Variants in DPP6 observed in about 807,000 individuals in gnomAD.
DPP6 encodes the protein A-type potassium channel modulatory protein DPP6.
A neutral mutation model predicts 122.6 loss-of-function variants in DPP6; 69 were observed. That is an observed-to-expected ratio of 0.56 (90% CI 0.46 to 0.69). The LOEUF (loss-of-function observed/expected upper bound fraction) is 0.69. DPP6 is among the 30% of genes least tolerant of loss of function. DPP6 has a pLI of 0.00. For synonymous variants in DPP6, 418 were observed against 433.1 expected (o/e 0.97, Z 0.43); for missense variants, 928 against 1,116.9 (o/e 0.83, Z 2.41).
chr7:154,452,335 C>A (rs892347658), intron 2 of DPP6, among the ~76,000 whole-genome samples: 3 of 151,862 alleles, frequency 2.0e-5, no homozygotes, highest in Non-Finnish European at 4.4e-5. Context: ...AAATGCTGAC[C>A]TAGAGGGCTG....
At chr7:154,756,590 G>A (rs1239602321) in intron 8 of DPP6, among the ~76,000 whole-genome samples, 16 of 152,150 alleles carry the variant, frequency 1.1e-4, no homozygotes, top group Admixed American at 6.5e-5. Flanking sequence ...TTTCAGCCTC[G>A]AAAGTCTAGC....
At chr7:154,381,269 C>T (rs975066448) in intron 1 of DPP6, among the ~76,000 whole-genome samples, 3 of 152,182 alleles carry the variant, frequency 2.0e-5, no homozygotes, top group Non-Finnish European at 2.9e-5. Flanking sequence ...CCGTCTGACT[C>T]GCCTTAGGGG....
At chr7:154,015,472 A>G (rs1317969481) in intron 1 of DPP6, among the ~76,000 whole-genome samples, 1 of 152,094 alleles carries the variant, frequency 6.6e-6, no homozygotes, top group Non-Finnish European at 1.5e-5. Context: ...CAAAGTGCCC[A>G]TCTGACCACT....
intron 5 of DPP6, among the ~76,000 whole-genome samples, chr7:154,579,525 A>G (rs1831905315): frequency 6.6e-6 from 1 of 152,246 alleles, no homozygotes; most frequent in African/African-American, 2.4e-5. Flanking sequence ...AAATATTACA[A>G]TGATCAGTTT....
intron 1 of DPP6, among the ~76,000 whole-genome samples, chr7:154,120,188 A>G (rs376190210): frequency 1.3e-5 from 2 of 150,782 alleles, no homozygotes; most frequent in African/African-American, 4.9e-5. Context: ...ATCACTCACT[A>G]TACTTGACTG....
intron 5 of DPP6, among the ~76,000 whole-genome samples, chr7:154,635,610 T>C (rs1244038330): frequency 1.3e-5 from 2 of 152,230 alleles, no homozygotes; most frequent in African/African-American, 4.8e-5. Context: ...ACAGCCAACA[T>C]TTAATCTTGC....
chr7:153,958,108 G>A (rs1032021765), intron 1 of DPP6, among the ~76,000 whole-genome samples: 3 of 152,094 alleles, frequency 2.0e-5, no homozygotes, highest in African/African-American at 7.2e-5. Flanking sequence ...AGGTTGCAGT[G>A]AGCTGAGATC....
chr7:153,916,408 TCTCTC>T (rs1800323305), intron 1 of DPP6, among the ~76,000 whole-genome samples: 1 of 53,760 alleles, frequency 1.9e-5, no homozygotes, highest in African/African-American at 7.4e-5. Flanking sequence ...CCTCCCCTCC[TCTCTC>T]CTCCCCTCCC....
chr7:154,613,817 C>T (rs1018306729), intron 5 of DPP6, among the ~76,000 whole-genome samples: 2 of 151,998 alleles, frequency 1.3e-5, no homozygotes, highest in Non-Finnish European at 2.9e-5. Context: ...AAAATTGGGC[C>T]ACCCATTCCC....
chr7:154,376,534 C>T (rs934627215), intron 1 of DPP6, among the ~76,000 whole-genome samples: 10 of 152,170 alleles, frequency 6.6e-5, no homozygotes, highest in Non-Finnish European at 1.5e-4. Context: ...AGAAGCTCTG[C>T]TAAAATTGCA....
At chr7:154,556,454 G>A (rs1459158435) in intron 4 of DPP6, among the ~76,000 whole-genome samples, 1 of 152,152 alleles carries the variant, frequency 6.6e-6, no homozygotes, top group East Asian at 1.9e-4. Flanking sequence ...TAGGGATAGG[G>A]TGACACACTT....
chr7:154,691,508 A>G lies in DPP6; in HGVS notation c.762+22067A>G, dbSNP rs961489727. Among the ~76,000 whole-genome samples, 5 of 152,340 alleles carry G rather than the reference A, an allele frequency of 3.3e-5. No individual in the cohort carries two copies. In the East Asian group the frequency reaches 9.6e-4, roughly 29 times the overall value. ...ATAAATGAAACTTGTTTACATAAAG[A>G]GGGAATTGACTGAAAAGAAAATAAA... On this transcript the variant is annotated intron_variant, in intron 7 of 25. Transcript: ENST00000377770.
At chr7:154,779,040 C>CTAT (rs2150397508) in intron 10 of DPP6, among the ~76,000 whole-genome samples, 5 of 148,214 alleles carry the variant, frequency 3.4e-5, no homozygotes, top group East Asian at 2.0e-4. Context: ...ACCACCACCA[C>CTAT]CACAACTACC....
At chr7:154,362,703 G>A (rs1811832192) in intron 1 of DPP6, among the ~76,000 whole-genome samples, 1 of 151,840 alleles carries the variant, frequency 6.6e-6, no homozygotes, top group Non-Finnish European at 1.5e-5. Flanking sequence ...GAGATTATAG[G>A]TATGAGCCAC....
intron 1 of DPP6, among the ~76,000 whole-genome samples, chr7:154,042,794 A>AGC (rs1799829614): frequency 6.6e-6 from 1 of 152,206 alleles, no homozygotes; most frequent in Non-Finnish European, 1.5e-5. Context: ...TGGGAGATAG[A>AGC]AGAGTCTGTG....
chr7:153,868,134 C>T, the DPP6 span, among the ~76,000 whole-genome samples: 56 of 151,550 alleles, frequency 3.7e-4, no homozygotes, highest in African/African-American at 1.2e-3. Context: ...TGTCTCTGCC[C>T]GGCTTTGGTA....
intron 7 of DPP6, among the ~76,000 whole-genome samples, chr7:154,722,973 G>T (rs1841893328): frequency 6.6e-6 from 1 of 152,140 alleles, no homozygotes; most frequent in Non-Finnish European, 1.5e-5. Context: ...AATATCAAAA[G>T]GAGAATGTGA....
At chr7:154,711,103 T>C (rs571508047) in intron 7 of DPP6, among the ~76,000 whole-genome samples, 9 of 152,372 alleles carry the variant, frequency 5.9e-5, no homozygotes, top group African/African-American at 2.2e-4. Flanking sequence ...GGATATGTCC[T>C]TGACATTAGG....
At chr7:154,405,845 G>T (rs1195675029) in intron 1 of DPP6, among the ~76,000 whole-genome samples, 2 of 152,110 alleles carry the variant, frequency 1.3e-5, no homozygotes, top group Non-Finnish European at 2.9e-5. Context: ...AGACATTTTG[G>T]GAAAGTAATG....
Sources: allele counts gnomAD v4.1 joint callset (sites outside exome capture counted in the v4.1 genomes callset), GRCh38; gene constraint gnomAD v4.1.1; transcripts MANE v1.5; gene names NCBI Gene and HGNC (gene_info 2026-07-23, HGNC 2026-07-21).